The following AGMO variants were observed in gnomAD, a reference collection of about 807,000 sequenced individuals.
AGMO encodes alkylglycerol monooxygenase, also known as glyceryl-ether monooxygenase.
A neutral mutation model predicts 60.2 loss-of-function variants in AGMO; 75 were observed. The observed-to-expected ratio is 1.25, with a 90% confidence interval of 1.03 to 1.51. The LOEUF is 1.51. Ranked by LOEUF, AGMO falls within the 40% of genes most tolerant of loss-of-function variation. The probability of loss-of-function intolerance (pLI) is 0.00; values close to 1 mark genes in which losing one functional copy is unlikely to be tolerated. For missense variants in AGMO, 763 were observed against 525.5 expected (o/e 1.45, Z -4.42); for synonymous variants, 261 against 177.1 (o/e 1.47, Z -3.76).
chr7:15,520,964 G>A (rs1404684672), intron 3 of AGMO, among the ~76,000 whole-genome samples: 1 of 151,930 alleles, frequency 6.6e-6, no homozygotes, highest in Non-Finnish European at 1.5e-5. Flanking sequence ...TAATAAAGGA[G>A]AAAAGTGACA....
chr7:15,394,626 T>A (rs1300356660), intron 5 of AGMO, among the ~76,000 whole-genome samples: 3 of 152,190 alleles, frequency 2.0e-5, no homozygotes, highest in Non-Finnish European at 4.4e-5. Flanking sequence ...GCATTATAGT[T>A]TTTGCCTTCC....
chr7:15,427,759 T>C (rs1003580134), intron 4 of AGMO, among the ~76,000 whole-genome samples: 15 of 152,130 alleles, frequency 9.9e-5, no homozygotes, highest in African/African-American at 3.1e-4. Flanking sequence ...TAATCAAAGA[T>C]TGAAGTGGCA....
At chr7:15,502,737 C>T (rs1783419695) in intron 3 of AGMO, among the ~76,000 whole-genome samples, 1 of 152,034 alleles carries the variant, frequency 6.6e-6, no homozygotes, top group Non-Finnish European at 1.5e-5. Context: ...ATGTGAAAAG[C>T]AAATCAGGTA....
At chr7:15,343,190 C>T (rs1334379617) in intron 12 of AGMO, among the ~76,000 whole-genome samples, 1 of 152,108 alleles carries the variant, frequency 6.6e-6, no homozygotes, top group East Asian at 1.9e-4. Context: ...CCCCACTCGC[C>T]ACTGTAAAAT....
At chr7:15,269,148 G>C (rs1393550015) in intron 12 of AGMO, among the ~76,000 whole-genome samples, 1 of 152,044 alleles carries the variant, frequency 6.6e-6, no homozygotes, top group African/African-American at 2.4e-5. Flanking sequence ...ATTACTAAAA[G>C]TGGTTGTACT....
intron 3 of AGMO, among the ~76,000 whole-genome samples, chr7:15,449,328 C>T (rs976758220): frequency 2.9e-4 from 17 of 58,816 alleles, no homozygotes; most frequent in African/African-American, 1.4e-3. Context: ...AAGAGTGCTT[C>T]TCTTTCTCTC....
intron 10 of AGMO, among the ~76,000 whole-genome samples, chr7:15,381,596 C>T (rs749600307): frequency 1.8e-4 from 27 of 152,080 alleles, no homozygotes; most frequent in South Asian, 6.2e-4. Context: ...TTAGTTCAAT[C>T]GTTGTGGAAG....
chr7:15,327,710 T>G (rs571881394), intron 12 of AGMO, among the ~76,000 whole-genome samples: 2 of 150,920 alleles, frequency 1.3e-5, no homozygotes, highest in South Asian at 4.2e-4. Context: ...AAGAGAGGTT[T>G]TCATGAAAAA....
intron 12 of AGMO, among the ~76,000 whole-genome samples, chr7:15,239,718 T>A (rs1026537782): frequency 6.6e-6 from 1 of 152,162 alleles, no homozygotes; most frequent in African/African-American, 2.4e-5. Flanking sequence ...ACAATTTCAT[T>A]TGCTATCAAT....
intron 10 of AGMO, among the ~76,000 whole-genome samples, chr7:15,368,965 C>T (rs1783095011): frequency 6.6e-6 from 1 of 152,054 alleles, no homozygotes; most frequent in African/African-American, 2.4e-5. Context: ...TAAAACACTG[C>T]CTTTGAGCTC....
intron 5 of AGMO, among the ~76,000 whole-genome samples, chr7:15,406,072 G>C (rs750397773): frequency 6.6e-5 from 10 of 151,734 alleles, no homozygotes; most frequent in Admixed American, 1.3e-4. Flanking sequence ...GCTTCAGGTA[G>C]CTCAGTAAAA....
At chr7:15,370,362 A>G (rs1783159022) in intron 10 of AGMO, among the ~76,000 whole-genome samples, 3 of 152,206 alleles carry the variant, frequency 2.0e-5, no homozygotes. Flanking sequence ...TGCGATGAAC[A>G]TGAGTGCATG....
At chr7:15,158,354 T>C in the AGMO span, among the ~76,000 whole-genome samples, 1 of 152,152 alleles carries the variant, frequency 6.6e-6, no homozygotes, top group East Asian at 1.9e-4. Context: ...TGTGATCACA[T>C]TCTAAAAGAG....
chr7:15,559,065 G>A (rs530405760), intron 2 of AGMO, among the ~76,000 whole-genome samples: 1 of 152,052 alleles, frequency 6.6e-6, no homozygotes, highest in South Asian at 2.1e-4. Flanking sequence ...TCCATTTATT[G>A]GTCTTTCCTC....
intron 12 of AGMO, chr7:15,358,318 G>T: frequency 2.3e-6 from 1 of 431,164 alleles, no homozygotes. Flanking sequence ...AATGGCTGAG[G>T]CAGCAAATTG....
chr7:15,334,176 A>G (rs1781580565), intron 12 of AGMO, among the ~76,000 whole-genome samples: 2 of 152,260 alleles, frequency 1.3e-5, no homozygotes, highest in East Asian at 1.9e-4. Context: ...TAAAGAGAAA[A>G]TAAGGATTCA....
intron 5 of AGMO, among the ~76,000 whole-genome samples, chr7:15,412,806 A>T (rs1368741698): frequency 6.6e-6 from 1 of 152,146 alleles, no homozygotes; most frequent in East Asian, 1.9e-4. Flanking sequence ...AACAATGTAT[A>T]AGTCAAAGTC....
chr7:15,362,243 T>C (rs1331532098), intron 12 of AGMO, among the ~76,000 whole-genome samples: 1 of 152,110 alleles, frequency 6.6e-6, no homozygotes, highest in Non-Finnish European at 1.5e-5. Context: ...AAATTCATAA[T>C]TAATAATATA....
chr7:15,189,079 A>G, the AGMO span, among the ~76,000 whole-genome samples: 1 of 152,176 alleles, frequency 6.6e-6, no homozygotes, highest in Non-Finnish European at 1.5e-5. Flanking sequence ...CATTTTTAAA[A>G]TATTTTGAAG....
Sources: gnomAD v4.1 joint callset for allele counts (sites outside exome capture counted in the v4.1 genomes callset) on GRCh38, gnomAD v4.1.1 for gene constraint, MANE v1.5 for transcripts, NCBI Gene and HGNC (gene_info 2026-07-23, HGNC 2026-07-21) for gene names.